The following LRRC9 variants were observed in gnomAD, a reference collection of about 807,000 sequenced individuals.
LRRC9 encodes leucine-rich repeat-containing protein 9.
LRRC9 carries 122 observed loss-of-function variants against 63.2 expected under a neutral mutation model. The ratio of observed to expected loss-of-function variants is 1.93; its 90% CI spans 1.67 to 2.24. The LOEUF (loss-of-function observed/expected upper bound fraction) is 2.24. Ranked by LOEUF, LRRC9 falls within the 30% of genes most tolerant of loss-of-function variation. The probability of loss-of-function intolerance (pLI) is 0.00; values close to 1 mark genes in which losing one functional copy is unlikely to be tolerated. For synonymous variants in LRRC9, 366 were observed against 213.1 expected, an observed-to-expected ratio of 1.72 and a Z score of -6.25; for missense variants, 1,071 against 627.7, an observed-to-expected ratio of 1.71 and a Z score of -7.55.
At chr14:59,976,133 C>A (rs963701478) in intron 13 of LRRC9, among the ~76,000 whole-genome samples, 1 of 152,236 alleles carries the variant, frequency 6.6e-6, no homozygotes, top group Non-Finnish European at 1.5e-5. Flanking sequence ...TCTCCCAACA[C>A]CCCCAGATGG....
chr14:60,058,019 G>C lies in LRRC9; in HGVS notation c.4273G>C (p.Glu1425Gln). The stretch of plus-strand genomic sequence containing the variant: ...TGACGTCACTTTAACTCCTGAAGTT[G>C]AAGGTATTTTGACAATTTCAGATAG... Residue 1425 changes from glutamate (E) to glutamine (Q), a missense_variant, in exon 31 of 32, where the codon GAA (glutamate) becomes CAA (glutamine). Physicochemically the swap from Glu to Gln is conservative, Grantham distance 29 (BLOSUM62 2). Transcript: ENST00000445360. The surrounding 1 kb of genome is among the most constrained non-coding windows in gnomAD (Gnocchi z 4.4). 1.6e-6 allele frequency: 1 copy of C among 617,910 alleles called. No individual in the cohort carries two copies. The highest frequency in any genetic ancestry group is 3.0e-6 in the Non-Finnish European group (1 of 329,386). 38.3% of individuals were successfully genotyped at this position (617,910 alleles called of 1,614,324 possible). A position where few individuals can be genotyped will look rare whatever the true frequency, so the allele number is the denominator to read the frequency against.
downstream of LRRC9, among the ~76,000 whole-genome samples, chr14:60,066,249 T>C (rs1394916102): frequency 6.6e-6 from 1 of 151,938 alleles, no homozygotes; most frequent in Non-Finnish European, 1.5e-5. Context: ...TCCTGACTAG[T>C]TTACAAATAA....
At chr14:60,012,219 A>G (rs960606144) in intron 23 of LRRC9, among the ~76,000 whole-genome samples, 6 of 152,238 alleles carry the variant, frequency 3.9e-5, no homozygotes, top group African/African-American at 1.4e-4. Context: ...ATGTATGAAC[A>G]CAAGGAACTC....
At chr14:59,949,450 A>C (rs145847558) in intron 8 of LRRC9, among the ~76,000 whole-genome samples, 2 of 147,612 alleles carry the variant, frequency 1.4e-5, no homozygotes, top group African/African-American at 5.0e-5. Context: ...TGATCCTTTC[A>C]AAAAACCAGC....
chr14:59,952,233 G>A (rs1883228705), intron 8 of LRRC9, among the ~76,000 whole-genome samples: 1 of 152,072 alleles, frequency 6.6e-6, no homozygotes, highest in Non-Finnish European at 1.5e-5. Flanking sequence ...TCTGAAAAGC[G>A]CAATATTCGG....
intron 20 of LRRC9, among the ~76,000 whole-genome samples, chr14:60,002,701 G>C (rs569487169): frequency 6.6e-6 from 1 of 152,144 alleles, no homozygotes; most frequent in African/African-American, 2.4e-5. Flanking sequence ...GAATGGCTAC[G>C]TCAGATGGGC....
rs56792362 is a variant in LRRC9, at chr14:60,061,444, A to G, written c.4277-1879A>G. ...GATCATTAGCATTTTTTAGCAATAA[A>G]GTATTTTTAAATTAAGGTATGTACA... On this transcript the variant is annotated intron_variant, in intron 31 of 31. Coordinates refer to ENST00000445360, the Ensembl canonical transcript of LRRC9. Among the ~76,000 whole-genome samples the G allele has an allele frequency of 2.9e-3, 447 of 152,364 alleles. 3 individuals are homozygous for G. The highest frequency in any genetic ancestry group is 0.01 in the African/African-American group (429 of 41,594).
chr14:60,052,140 T>A (rs905279882), intron 29 of LRRC9, among the ~76,000 whole-genome samples: 1 of 152,198 alleles, frequency 6.6e-6, no homozygotes, highest in Non-Finnish European at 1.5e-5. Context: ...CACATTCAGG[T>A]CTTTTTTCTA....
At chr14:60,063,345 A>C in exon 32 of LRRC9, 1 of 702,092 alleles carries the variant, frequency 1.4e-6, no homozygotes, top group South Asian at 1.5e-5. Flanking sequence ...CAACTTTCCA[A>C]GATCAAATCG....
chr14:59,927,924 A>G lies in LRRC9; in HGVS notation c.-20A>G. On this transcript the variant is annotated 5_prime_UTR_variant, in exon 2 of 32. Coordinates refer to ENST00000445360, the Ensembl canonical transcript of LRRC9. The surrounding 1 kb of genome is among the most constrained non-coding windows in gnomAD (Gnocchi z 4.4). ...TTTCCTTAAAAGTTATAATATTATG[A>G]TCACTGTTTTTAATGGAAGATGATT... The G allele has an allele frequency of 1.5e-6, 1 of 672,862 alleles. No homozygotes were observed. The highest frequency in any genetic ancestry group is 1.6e-5 in the South Asian group (1 of 60,630). The allele number at this position is 672,862 out of a possible 1,614,324, so 41.7% of individuals were successfully genotyped here.
rs1180628883 is a variant in LRRC9, at chr14:59,986,633, C to T, written c.2211+1409C>T. Among the ~76,000 whole-genome samples the T allele has an allele frequency of 1.3e-5, 2 of 152,062 alleles. No homozygotes were observed. The highest frequency in any genetic ancestry group is 2.9e-5 in the Non-Finnish European group (2 of 68,006). Reference sequence around the variant, plus strand: ...TTATTTGCCAGCACTTCCAAAATTACGACAGTCATTATAATTTTGCTTAGG... The same window carrying T: ...TTATTTGCCAGCACTTCCAAAATTATGACAGTCATTATAATTTTGCTTAGG... On this transcript the variant is annotated intron_variant, in intron 17 of 31. Transcript: ENST00000445360. The surrounding 1 kb of genome is among the most constrained non-coding windows in gnomAD (Gnocchi z 4.7).
At position 59,962,944 on chromosome 14, in the gene LRRC9, T is replaced by C. The variant is rs1002273747; in HGVS notation, c.1211+1899T>C. On this transcript the variant is annotated intron_variant, in intron 10 of 31. Transcript: ENST00000445360. The surrounding 1 kb of genome is among the most constrained non-coding windows in gnomAD (Gnocchi z 5.1). The stretch of plus-strand genomic sequence containing the variant: ...TTTGTTTTAAGGAATATATCAAATA[T>C]ATGTTAGCAGAATTTAAAGTACTGT... Among the ~76,000 whole-genome samples, 4 of 152,216 alleles carry C rather than the reference T, an allele frequency of 2.6e-5. No individual in the cohort carries two copies. The highest frequency in any genetic ancestry group is 7.2e-5 in the African/African-American group (3 of 41,464).
chr14:59,930,914 A>T lies in LRRC9; in HGVS notation c.268-4A>T, dbSNP rs1163057865. ...ACATTATTCAGTCTCCTTTTCTTTT[A>T]CAGAAAATTGAAGGTCTTCAAGAAT... On this transcript the variant is annotated splice_polypyrimidine_tract_variant and splice_region_variant and intron_variant, in intron 3 of 31. Transcript: ENST00000445360. This position sits in a 1 kb window ranked among gnomAD's most constrained non-coding sequence, Gnocchi z 4.9. The T allele has an allele frequency of 2.3e-6, 1 of 429,684 alleles. No individual in the cohort carries two copies. The highest frequency in any genetic ancestry group is 2.1e-5 in the African/African-American group (1 of 48,618). 26.6% of individuals were successfully genotyped at this position (429,684 alleles called of 1,614,324 possible).
intron 1 of LRRC9, among the ~76,000 whole-genome samples, chr14:59,921,824 G>A (rs767598216): frequency 2.7e-5 from 4 of 149,876 alleles, no homozygotes; most frequent in Non-Finnish European, 4.4e-5. Flanking sequence ...GGTGGCTCAT[G>A]CCTGTAATCC....
exon 20 of LRRC9, chr14:60,002,003 G>C (rs1889415900): frequency 1.4e-6 from 1 of 700,412 alleles, no homozygotes; most frequent in Non-Finnish European, 2.6e-6. Flanking sequence ...AAAGAGGAGA[G>C]ACCACGGATA....
Position 60,016,043 on chromosome 14 carries a change from T to A in LRRC9, c.3187-617T>A, listed in dbSNP as rs149912562. ...CTTTTTGTGGACTTTGTCTTGTTATTTCCTTACTGTCATTTCTGGGTTTCT... is the reference window on the plus strand; with the variant it reads ...CTTTTTGTGGACTTTGTCTTGTTATATCCTTACTGTCATTTCTGGGTTTCT... On this transcript the variant is annotated intron_variant, in intron 23 of 31. Coordinates refer to ENST00000445360, the Ensembl canonical transcript of LRRC9. Among the ~76,000 whole-genome samples the A allele has an allele frequency of 9.8e-4, 149 of 152,250 alleles. 1 individual carries two copies. Among genetic ancestry groups the A allele is most frequent in the African/African-American group, 3.4e-3 (142 of 41,548 alleles).
chr14:59,935,380 C>G (rs1223627643), intron 6 of LRRC9, among the ~76,000 whole-genome samples: 1 of 151,784 alleles, frequency 6.6e-6, no homozygotes, highest in South Asian at 2.1e-4. Context: ...TTACTCTGTG[C>G]TAGAAAGATA....
At chr14:59,952,681 G>A (rs1883295428) in intron 8 of LRRC9, among the ~76,000 whole-genome samples, 1 of 152,092 alleles carries the variant, frequency 6.6e-6, no homozygotes, top group African/African-American at 2.4e-5. Context: ...TGGGATACAT[G>A]TGCAAACATG....
chr14:60,025,213 C>T (rs1377794590), intron 27 of LRRC9, among the ~76,000 whole-genome samples: 3 of 151,916 alleles, frequency 2.0e-5, no homozygotes. Context: ...ACCTCAGCTT[C>T]CTGAGTAGCT....
Sources: allele counts gnomAD v4.1 joint callset (sites outside exome capture counted in the v4.1 genomes callset), GRCh38; gene constraint gnomAD v4.1.1; non-coding constraint Gnocchi (gnomAD v3.1); transcripts MANE v1.5; gene names NCBI Gene and HGNC (gene_info 2026-07-23, HGNC 2026-07-21).